The following MMP3 variants were observed in gnomAD, a reference collection of about 807,000 sequenced individuals.
The protein encoded by MMP3 is matrix metallopeptidase 3.
A neutral mutation model predicts 47.3 loss-of-function variants in MMP3; 46 were observed. That is an observed-to-expected ratio of 0.97 (90% confidence interval 0.77 to 1.24). The LOEUF (loss-of-function observed/expected upper bound fraction) is 1.24, where lower values mean the gene tolerates loss of function less well. Ranked by LOEUF, MMP3 falls within the 50% of genes most tolerant of loss-of-function variation. The pLI is 0.00. For synonymous variants in MMP3, 216 were observed against 206.5 expected, an observed-to-expected ratio of 1.05 and a Z score of -0.39; for missense variants, 558 against 565.5, an observed-to-expected ratio of 0.99 and a Z score of 0.13.
In MMP3 at chr11:102,842,742, C is replaced by A; in HGVS notation, c.280G>T (p.Val94Phe). The change falls in exon 2 of 10, where the codon GTT becomes TTT. Residue 94 changes from valine to phenylalanine, a missense_variant. Val to Phe is a conservative substitution (Grantham distance 50). Coordinates refer to ENST00000299855, the MANE Select transcript of MMP3 (RefSeq NM_002422.5). The stretch of plus-strand genomic sequence containing the variant: ...GTTCTGAAGTGACCAACATCAGGAA[C>A]TCCACACCTGGGCTTGCGCATCACC... ...LEVMRKPRCGVPDVGHFRTFP... is the reference protein window; with the variant it reads ...LEVMRKPRCGFPDVGHFRTFP... 2 of 1,614,000 alleles carry A rather than the reference C, an allele frequency of 1.2e-6. No individual in the cohort carries two copies. The highest frequency in any genetic ancestry group is 1.7e-6 in the Non-Finnish European group (2 of 1,179,966).
In MMP3 at chr11:102,837,288, A is replaced by G. The variant is rs1209418731; in HGVS notation, c.1333+10T>C. 3.1e-6 allele frequency: 5 copies of G among 1,595,374 alleles called. No individual in the cohort carries two copies. The highest frequency in any genetic ancestry group is 1.3e-5 in the African/African-American group (1 of 74,558). ...GTGCTCTATGGCCAACACAGTAAGT[A>G]TCCTCTTACCAAATTCTTCAAAAAC... On this transcript the variant is annotated intron_variant, in intron 9 of 9. Coordinates refer to ENST00000299855, the MANE Select transcript of MMP3 (RefSeq NM_002422.5). The surrounding 1 kb of genome is among the most constrained non-coding windows in gnomAD (Gnocchi z 4.4).
In MMP3 at chr11:102,842,921, C is replaced by G; in HGVS notation, c.106-5G>C. On this transcript the variant is annotated splice_region_variant and splice_polypyrimidine_tract_variant and intron_variant, in intron 1 of 9. Transcript: ENST00000299855. ...GTAGTAGTTTTCTAGATATTTCTAA[C>G]AGAATAAGTATAGTTTTTAGGTCAC... 6.3e-7 allele frequency: 1 copy of G among 1,594,252 alleles called. No homozygotes were observed. The highest frequency in any genetic ancestry group is 8.6e-7 in the Non-Finnish European group (1 of 1,167,696).
In MMP3 at chr11:102,838,664, G is replaced by A; in HGVS notation, c.1116C>T (p.Tyr372=). Residue 372 remains tyrosine, a synonymous_variant, in exon 8 of 10, where the codon TAC becomes TAT. Transcript: ENST00000299855. ...AIRGNEVRAG[Y]PRGIHTLGFP... ...AACCTAGGGTGTGGATGCCTCTTGG[G>A]TATCCAGCTCGTACCTCATTTCCTC... is the stretch of plus-strand genomic sequence containing the variant. 1.2e-6 allele frequency: 2 copies of A among 1,613,316 alleles called. No homozygotes were observed. The highest frequency in any genetic ancestry group is 1.7e-6 in the Non-Finnish European group (2 of 1,179,896).
At chr11:102,841,330 G>T (rs1338193651) in intron 4 of MMP3, among the ~76,000 whole-genome samples, 1 of 152,138 alleles carries the variant, frequency 6.6e-6, no homozygotes, top group African/African-American at 2.4e-5. Flanking sequence ...TGTGTAACTT[G>T]TGATGCTAGG....
intron 4 of MMP3, among the ~76,000 whole-genome samples, chr11:102,841,887 TTAA>T (rs1389230618): frequency 6.6e-6 from 1 of 152,192 alleles, no homozygotes; most frequent in Non-Finnish European, 1.5e-5. Flanking sequence ...GAAATTTTTC[TTAA>T]TAATGGTTAC....
chr11:102,839,312 G>T, intron 6 of MMP3, 69 bp from the exon 7 acceptor site: 1 of 1,574,152 alleles, frequency 6.4e-7, no homozygotes, highest in Non-Finnish European at 8.7e-7. Flanking sequence ...TTTCCTCACC[G>T]TCTTGCCTCA....
At chr11:102,839,352 G>T in intron 6 of MMP3, 109 bp from the exon 7 acceptor site, 1 of 1,277,938 alleles carries the variant, frequency 7.8e-7, no homozygotes, top group South Asian at 1.3e-5. Context: ...TCATCTTCTA[G>T]GCTGGATGAC....
At chr11:102,841,662 G>A (rs1858999523) in intron 4 of MMP3, among the ~76,000 whole-genome samples, 1 of 148,614 alleles carries the variant, frequency 6.7e-6, no homozygotes, top group African/African-American at 2.5e-5. Context: ...TTCAGAACAA[G>A]CCCATAAAAA....
chr11:102,839,334 C>G, intron 6 of MMP3, 91 bp from the exon 7 acceptor site: 1 of 1,440,948 alleles, frequency 6.9e-7, no homozygotes, highest in Non-Finnish European at 9.6e-7. Context: ...CCAGCTTCCC[C>G]CATTCTCTCA....
rs1285922500 is a variant in MMP3 at position 102,838,447 on chromosome 11, C to T, written c.1229+104G>A. 9 of 1,255,502 alleles carry T rather than the reference C, an allele frequency of 7.2e-6. No homozygotes were observed. The African/African-American group carries it at 1.4e-4, about 19-fold the overall frequency. The allele number at this position is 1,255,502 out of a possible 1,614,324, so 77.8% of individuals were successfully genotyped here. A position where few individuals can be genotyped will look rare whatever the true frequency, so the allele number is the denominator to read the frequency against. Reference sequence around the variant, plus strand: ...GTTGTCTGAAGTCCCATCCTTCCTACTAAGAGAGAAGCAGGCCTAAGGTTG... The same window carrying T: ...GTTGTCTGAAGTCCCATCCTTCCTATTAAGAGAGAAGCAGGCCTAAGGTTG... On this transcript the variant is annotated intron_variant, in intron 8 of 9. Transcript: ENST00000299855.
At chr11:102,842,319 G>A in intron 3 of MMP3, 40 bp from the exon 4 acceptor site, 1 of 1,581,148 alleles carries the variant, frequency 6.3e-7, no homozygotes, top group East Asian at 2.2e-5. Context: ...ATGTAACAAG[G>A]ATCCCTTTTG....
Position 102,837,229 on chromosome 11 carries a change from C to G in MMP3, c.1333+69G>C. ...CACTTGTTATTAAAAAGTTTCAATG[C>G]TCCTCTTCCCTCTGATATCATAAAA... On this transcript the variant is annotated intron_variant, in intron 9 of 9. Transcript: ENST00000299855. This position sits in a 1 kb window ranked among gnomAD's most constrained non-coding sequence, Gnocchi z 4.4. 1.5e-4 allele frequency: 172 copies of G among 1,170,702 alleles called. No homozygotes were observed. The highest frequency in any genetic ancestry group is 2.0e-4 in the Non-Finnish European group (156 of 797,312). The allele number at this position is 1,170,702 out of a possible 1,614,324, so 72.5% of individuals were successfully genotyped here.
rs557512280 is a variant in MMP3 at position 102,840,565 on chromosome 11, A to C, written c.654T>G (p.His218Gln). 28 of 1,613,116 alleles carry C rather than the reference A, an allele frequency of 1.7e-5. No individual in the cohort carries two copies. The highest frequency in any genetic ancestry group is 1.7e-4 in the Middle Eastern group (1 of 6,042). Residue 218 changes from histidine to glutamine, a missense_variant, in exon 5 of 10, where the codon CAT (histidine) becomes CAG (glutamine). Coordinates refer to ENST00000299855, the MANE Select transcript of MMP3 (RefSeq NM_002422.5). ...TGTNLFLVAA[H>Q]EIGHSLGLFH... ...AGAGACCCAGGGAGTGGCCAATTTCATGAGCAGCAACGAGAAATAAATTGG... is the reference window on the plus strand; with the variant it reads ...AGAGACCCAGGGAGTGGCCAATTTCCTGAGCAGCAACGAGAAATAAATTGG...
At chr11:102,841,238 C>T (rs1461890270) in intron 4 of MMP3, among the ~76,000 whole-genome samples, 1 of 152,106 alleles carries the variant, frequency 6.6e-6, no homozygotes, top group African/African-American at 2.4e-5. Context: ...TTTAAAAACA[C>T]CCATAATGCT....
intron 5 of MMP3, 58 bp downstream of exon 5, chr11:102,840,371 C>G (rs1268318046): frequency 9.4e-6 from 15 of 1,595,492 alleles, no homozygotes; most frequent in African/African-American, 1.3e-5. Flanking sequence ...CATTTGAAAG[C>G]TCTTCTGAAG....
intron 7 of MMP3, 126 bp downstream of exon 7, chr11:102,838,984 T>A (rs1858939533): frequency 9.7e-7 from 1 of 1,026,838 alleles, no homozygotes; most frequent in Non-Finnish European, 1.4e-6. Flanking sequence ...CAGCCCTGGT[T>A]ATTTCTTCAT....
chr11:102,843,524 A>G lies in MMP3; in HGVS notation c.23T>C (p.Leu8Pro), dbSNP rs1414816680. ...TGAGCAAACTGCCACGCACAGCAAC[A>G]GTAGGATTGGAAGACTCTTCATTTC... The part of the protein sequence containing the change: MKSLPIL[L>P]LLCVAVCSAY... The change falls in exon 1 of 10, where the codon CTG becomes CCG. Residue 8 changes from leucine to proline, a missense_variant. Physicochemically the swap from Leu to Pro is moderately conservative, Grantham distance 98. Coordinates refer to ENST00000299855, the MANE Select transcript of MMP3 (RefSeq NM_002422.5). 5.6e-6 allele frequency: 9 copies of G among 1,613,470 alleles called. No individual in the cohort carries two copies. Among genetic ancestry groups the G allele is most frequent in the South Asian group, 5.5e-5 (5 of 90,930 alleles).
In MMP3 at chr11:102,836,585, T is replaced by C. The variant is rs555301531; in HGVS notation, c.1334-359A>G. On this transcript the variant is annotated intron_variant, in intron 9 of 9. Coordinates refer to ENST00000299855, the MANE Select transcript of MMP3 (RefSeq NM_002422.5). This position sits in a 1 kb window ranked among gnomAD's most constrained non-coding sequence, Gnocchi z 4.6. ...GTTATTCTGCTTCCGATCAGATAAA[T>C]TCTCCACTTGCTTGGAAACTCTCAT... The C allele has an allele frequency of 1.0e-4, 48 of 480,758 alleles. No homozygotes were observed. The highest frequency in any genetic ancestry group is 9.1e-4 in the African/African-American group (46 of 50,626). The allele number at this position is 480,758 out of a possible 1,614,324, so 29.8% of individuals were successfully genotyped here.
Position 102,843,460 on chromosome 11 carries a change from G to T in MMP3, c.87C>A (p.Thr29=). 3.7e-6 allele frequency: 6 copies of T among 1,613,380 alleles called. No individual in the cohort carries two copies. Among genetic ancestry groups the T allele is most frequent in the Non-Finnish European group, 5.1e-6 (6 of 1,179,600 alleles). ...PLDGAARGED[T]SMNLVQKYLE... ...TAATTACCTGAACAAGGTTCATGCTGGTGTCCTCACCCCTTGCAGCTCCAT... is the reference window on the plus strand; with the variant it reads ...TAATTACCTGAACAAGGTTCATGCTTGTGTCCTCACCCCTTGCAGCTCCAT... The change falls in exon 1 of 10, where the codon ACC becomes ACA. Residue 29 remains threonine (T), a synonymous_variant. Coordinates refer to ENST00000299855, the MANE Select transcript of MMP3 (RefSeq NM_002422.5).
Sources: allele counts gnomAD v4.1 joint callset (sites outside exome capture counted in the v4.1 genomes callset), GRCh38; gene constraint gnomAD v4.1.1; non-coding constraint Gnocchi (gnomAD v3.1); transcripts MANE v1.5; gene names NCBI Gene and HGNC (gene_info 2026-07-23, HGNC 2026-07-21).